DKK3: variants seen among roughly 807,000 people sequenced by gnomAD.
The protein encoded by DKK3 is dickkopf Wnt signaling pathway inhibitor 3.
Under a neutral mutation model 33.2 loss-of-function variants are expected in DKK3, and 22 were observed. That is an observed-to-expected ratio of 0.66 (90% CI 0.47 to 0.95). The LOEUF (loss-of-function observed/expected upper bound fraction) is 0.95, where lower values mean the gene tolerates loss of function less well. Ranked by LOEUF, DKK3 falls within the 40% of genes least tolerant of loss-of-function variation. The pLI is 0.00. For missense variants in DKK3, 398 were observed against 458.4 expected (o/e 0.87, Z 1.20); for synonymous variants, 194 against 188.8 (o/e 1.03, Z -0.23).
chr11:11,996,077 A>C (rs1848286630), intron 3 of DKK3, among the ~76,000 whole-genome samples: 1 of 152,252 alleles, frequency 6.6e-6, no homozygotes. Flanking sequence ...GAAATTTTAA[A>C]GCCTGAAAAT....
chr11:11,982,209 G>A (rs1422459238), intron 3 of DKK3, among the ~76,000 whole-genome samples: 1 of 152,150 alleles, frequency 6.6e-6, no homozygotes, highest in Non-Finnish European at 1.5e-5. Context: ...CATGTGTCAG[G>A]GGCGTGGGGA....
intron 3 of DKK3, among the ~76,000 whole-genome samples, chr11:11,984,115 C>T (rs1848014312): frequency 6.6e-6 from 1 of 152,122 alleles, no homozygotes; most frequent in African/African-American, 2.4e-5. Context: ...AATAAGGGGT[C>T]TTAACTTTTT....
rs186892579 is a variant in DKK3, at chr11:12,002,209, T to C, written c.351+91A>G. 240 of 1,391,466 alleles carry C rather than the reference T, an allele frequency of 1.7e-4. No individual in the cohort carries two copies. The East Asian group carries it at 5.0e-3, about 29-fold the overall frequency. The allele number at this position is 1,391,466 out of a possible 1,614,324, so 86.2% of individuals were successfully genotyped here. ...TTCTCAATTGTAGTTTGGGCTTGTA[T>C]ATCACATATGAAAAAACAAAAACAA... is the stretch of plus-strand genomic sequence containing the variant. On this transcript the variant is annotated intron_variant, in intron 2 of 6. Coordinates refer to ENST00000683431, the MANE Select transcript of DKK3 (RefSeq NM_001018057.2).
At chr11:11,987,527 G>A (rs1292033921) in intron 3 of DKK3, among the ~76,000 whole-genome samples, 2 of 152,196 alleles carry the variant, frequency 1.3e-5, no homozygotes, top group South Asian at 2.1e-4. Flanking sequence ...CTGCTTGGAA[G>A]TGCTGTGCTG....
intron 3 of DKK3, among the ~76,000 whole-genome samples, chr11:11,979,359 C>T (rs1847907896): frequency 1.3e-5 from 2 of 152,234 alleles, no homozygotes; most frequent in South Asian, 4.1e-4. Flanking sequence ...GGATGCAGAG[C>T]AGGAGAGCCA....
At chr11:11,968,630 G>C in intron 3 of DKK3, 143 bp from the exon 4 acceptor site, 1 of 676,362 alleles carries the variant, frequency 1.5e-6, no homozygotes, top group Non-Finnish European at 2.4e-6. Flanking sequence ...CCAGACTCTA[G>C]TCGCTCCTGA....
At chr11:12,000,180 TTTTG>T (rs55683428) in intron 2 of DKK3, among the ~76,000 whole-genome samples, 30,318 of 151,266 alleles carry the variant, frequency 0.2, 3,523 homozygotes, top group African/African-American at 0.32. Flanking sequence ...GACTAGTGTT[TTTTG>T]TTTGTTTGTT....
At chr11:11,968,611 G>T in intron 3 of DKK3, 124 bp from the exon 4 acceptor site, 1 of 871,472 alleles carries the variant, frequency 1.1e-6, no homozygotes. Flanking sequence ...GCAGGGTCAG[G>T]AAAGGCCTCC....
At chr11:11,965,743 A>G in intron 6 of DKK3, 66 bp downstream of exon 6, 2 of 1,565,202 alleles carry the variant, frequency 1.3e-6, no homozygotes, top group Non-Finnish European at 1.7e-6. Flanking sequence ...TCCTGCTCCT[A>G]CGCCCCTGCT....
chr11:11,984,200 A>C (rs796782734), intron 3 of DKK3, among the ~76,000 whole-genome samples: 2 of 152,238 alleles, frequency 1.3e-5, no homozygotes, highest in African/African-American at 4.8e-5. Context: ...TAGATGAATA[A>C]AGGTAAACAT....
chr11:12,001,122 A>T (rs1848418162), intron 2 of DKK3, among the ~76,000 whole-genome samples: 1 of 152,232 alleles, frequency 6.6e-6, no homozygotes, highest in Non-Finnish European at 1.5e-5. Flanking sequence ...CAACTTTAAG[A>T]AGCAACCAAA....
In DKK3 at chr11:11,968,379, G is replaced by C. The variant is rs902306798; in HGVS notation, c.528+16C>G. The C allele has an allele frequency of 6.2e-7, 1 of 1,607,682 alleles. No homozygotes were observed. Among genetic ancestry groups the C allele is most frequent in the African/African-American group, 1.3e-5 (1 of 74,764 alleles). On this transcript the variant is annotated intron_variant, in intron 4 of 6. Transcript: ENST00000683431. Reference sequence around the variant, plus strand: ...AGACCCTGGTGCCACAGCCCCAGAGGCCCTGGCATACTCACCATCCTCTGG... The same window carrying C: ...AGACCCTGGTGCCACAGCCCCAGAGCCCCTGGCATACTCACCATCCTCTGG...
Position 12,002,317 on chromosome 11 carries a change from G to A in DKK3, c.334C>T (p.His112Tyr), listed in dbSNP as rs1188424995. 10 of 1,613,830 alleles carry A rather than the reference G, an allele frequency of 6.2e-6. No individual in the cohort carries two copies. Among genetic ancestry groups the A allele is most frequent in the Middle Eastern group, 1.6e-4 (1 of 6,062 alleles). The change falls in exon 2 of 7, where the codon CAC (histidine) becomes TAC (tyrosine). Residue 112 changes from histidine (H) to tyrosine (Y), a missense_variant. His to Tyr is a moderately conservative substitution (Grantham distance 83, BLOSUM62 2). Coordinates refer to ENST00000683431, the MANE Select transcript of DKK3 (RefSeq NM_001018057.2). The stretch of plus-strand genomic sequence containing the variant: ...TGACTTACCTTGTGAATTTCTCGGT[G>A]CACATGGATGGTATTATTTCCAACC... ...TKVGNNTIHV[H>Y]REIHKITNNQ...
intron 3 of DKK3, among the ~76,000 whole-genome samples, chr11:11,991,459 C>G (rs1218189271): frequency 6.6e-6 from 1 of 152,196 alleles, no homozygotes; most frequent in African/African-American, 2.4e-5. Context: ...GTGGCTCATG[C>G]CTATAGTCCC....
chr11:11,983,153 T>C (rs972023383), intron 3 of DKK3, among the ~76,000 whole-genome samples: 5 of 152,224 alleles, frequency 3.3e-5, no homozygotes, highest in African/African-American at 9.6e-5. Context: ...TTGACTCAAT[T>C]GGTTTCTTGT....
chr11:12,009,137 A>G (rs1848606849), upstream of DKK3: 1 of 983,712 alleles, frequency 1.0e-6, no homozygotes, highest in Non-Finnish European at 1.2e-6. Flanking sequence ...AGCTCAGCAG[A>G]GTCGTCCCCT....
At chr11:11,997,579 G>A (rs1474176247) in intron 3 of DKK3, among the ~76,000 whole-genome samples, 1 of 152,148 alleles carries the variant, frequency 6.6e-6, no homozygotes, top group Non-Finnish European at 1.5e-5. Context: ...GGAAACTGAG[G>A]TGCCCTAGCT....
At chr11:12,002,998 G>A (rs1188443900) in intron 1 of DKK3, among the ~76,000 whole-genome samples, 3 of 152,216 alleles carry the variant, frequency 2.0e-5, no homozygotes, top group South Asian at 2.1e-4. Flanking sequence ...TTCTCCCTTC[G>A]CTAGACAATT....
At chr11:11,998,663 C>G in intron 3 of DKK3, 33 bp downstream of exon 3, 1 of 1,579,220 alleles carries the variant, frequency 6.3e-7, no homozygotes, top group Non-Finnish European at 8.7e-7. Flanking sequence ...GTGAGTGTGT[C>G]GGGGTGCAAG....
Sources: gnomAD v4.1 joint callset for allele counts (sites outside exome capture counted in the v4.1 genomes callset) on GRCh38, gnomAD v4.1.1 for gene constraint, MANE v1.5 for transcripts, NCBI Gene and HGNC (gene_info 2026-07-23, HGNC 2026-07-21) for gene names.